The following ACTR6 variants were observed in gnomAD, a reference collection of about 807,000 sequenced individuals.
ACTR6 encodes actin related protein 6.
Under a neutral mutation model 52.5 loss-of-function variants are expected in ACTR6, and 50 were observed. That is an observed-to-expected ratio of 0.95 (90% CI 0.76 to 1.20). ACTR6 has a LOEUF of 1.20. Among genes scored for constraint, ACTR6 ranks in the 50% most tolerant of loss-of-function variants. The probability of loss-of-function intolerance (pLI) is 0.00; values close to 1 mark genes in which losing one functional copy is unlikely to be tolerated. For missense variants in ACTR6, 344 were observed against 472.4 expected (o/e 0.73, Z 2.52); for synonymous variants, 135 against 147.2 (o/e 0.92, Z 0.60).
At chr12:100,214,523 T>C (rs915660604) in intron 8 of ACTR6, among the ~76,000 whole-genome samples, 1 of 148,534 alleles carries the variant, frequency 6.7e-6, no homozygotes, top group Non-Finnish European at 1.5e-5. Flanking sequence ...GAGGATTGTT[T>C]GAGACCAGCC....
In ACTR6 at chr12:100,218,843, G is replaced by A. The variant is rs913833757; in HGVS notation, c.922+257G>A. Reference sequence around the variant, plus strand: ...CTTGAAGAAATGTATCTCTCCATGAGCATTAAATTGCCATATCCATTTTAG... The same window carrying A: ...CTTGAAGAAATGTATCTCTCCATGAACATTAAATTGCCATATCCATTTTAG... On this transcript the variant is annotated intron_variant, in intron 9 of 10. Coordinates refer to ENST00000188312, the MANE Select transcript of ACTR6 (RefSeq NM_022496.5). The surrounding 1 kb of genome is among the most constrained non-coding windows in gnomAD (Gnocchi z 4.2). Among the ~76,000 whole-genome samples, 1 of 151,978 alleles carries A rather than the reference G, an allele frequency of 6.6e-6. No homozygotes were observed. Among genetic ancestry groups the A allele is most frequent in the Admixed American group, 6.6e-5 (1 of 15,252 alleles).
At chr12:100,205,133 G>C (rs2096113414) in intron 2 of ACTR6, 76 bp downstream of exon 2, 1 of 957,654 alleles carries the variant, frequency 1.0e-6, no homozygotes. Flanking sequence ...TATATAAAAG[G>C]CTGTGTGTAA....
At chr12:100,204,355 C>G (rs2096112701) in intron 1 of ACTR6, 1 of 152,042 alleles carries the variant, frequency 6.6e-6, no homozygotes, top group South Asian at 2.1e-4. Context: ...TTTTCTCTTT[C>G]TGTTTTATTT....
chr12:100,219,867 C>T lies in ACTR6; in HGVS notation c.923-141C>T, dbSNP rs1439355701. The T allele has an allele frequency of 6.7e-6, 5 of 745,686 alleles. No homozygotes were observed. In the East Asian group the frequency reaches 1.1e-4, roughly 16 times the overall value. The allele number at this position is 745,686 out of a possible 1,614,324, so 46.2% of individuals were successfully genotyped here. A position where few individuals can be genotyped will look rare whatever the true frequency, so the allele number is the denominator to read the frequency against. On this transcript the variant is annotated intron_variant, in intron 9 of 10. Coordinates refer to ENST00000188312, the MANE Select transcript of ACTR6 (RefSeq NM_022496.5). ...ACCTCATTACAAATCTTAGAATGGA[C>T]CTGAAAATTTATTTGGTTTCCCACC...
intron 3 of ACTR6, among the ~76,000 whole-genome samples, chr12:100,206,758 T>C (rs1158747011): frequency 6.6e-6 from 1 of 150,874 alleles, no homozygotes. Context: ...AACCTCTGCC[T>C]CCTGGGTTCA....
intron 1 of ACTR6, 137 bp from the exon 2 acceptor site, chr12:100,204,803 T>G: frequency 1.7e-6 from 1 of 598,540 alleles, no homozygotes; most frequent in South Asian, 2.2e-5. Context: ...TTGGTATTAT[T>G]TTAAGACAGA....
In ACTR6 at chr12:100,212,310, A is replaced by C; in HGVS notation, c.627A>C (p.Val209=). ...THVINQVKED[V]CYVSQDFYRD... ...TGATTAATCAAGTGAAAGAAGATGT[A>C]TGCTATGTGTCTCAGGATTTTTATA... Residue 209 remains valine (V), a synonymous_variant, in exon 7 of 11, where the codon GTA becomes GTC. Transcript: ENST00000188312. 1 of 1,612,840 alleles carries C rather than the reference A, an allele frequency of 6.2e-7. No individual in the cohort carries two copies. The highest frequency in any genetic ancestry group is 8.5e-7 in the Non-Finnish European group (1 of 1,179,454).
intron 8 of ACTR6, among the ~76,000 whole-genome samples, chr12:100,215,401 A>G (rs1308958965): frequency 6.6e-6 from 1 of 152,186 alleles, no homozygotes; most frequent in Non-Finnish European, 1.5e-5. Flanking sequence ...ACCTTATGCA[A>G]TAAGCCAGTA....
chr12:100,223,867 T>C lies in ACTR6; in HGVS notation c.1143T>C (p.Asp381=), dbSNP rs368527025. ...DFEDMVVTRE[D]YEENGHSVCE... is the part of the protein sequence containing the mutation. ...AAGATATGGTGGTAACAAGAGAAGATTACGAAGAAAATGGACATAGCGTCT... is the reference window on the plus strand; with the variant it reads ...AAGATATGGTGGTAACAAGAGAAGACTACGAAGAAAATGGACATAGCGTCT... The change falls in exon 11 of 11, where the codon GAT becomes GAC. Residue 381 remains aspartate (D), a synonymous_variant. Transcript: ENST00000188312. 6.2e-7 allele frequency: 1 copy of C among 1,611,078 alleles called. No individual in the cohort carries two copies. The highest frequency in any genetic ancestry group is 2.2e-5 in the East Asian group (1 of 44,654).
intron 10 of ACTR6, among the ~76,000 whole-genome samples, chr12:100,223,537 A>G (rs2096129960): frequency 6.6e-6 from 1 of 152,188 alleles, no homozygotes; most frequent in Non-Finnish European, 1.5e-5. Context: ...GGACATAGGG[A>G]AAAAGGAACA....
chr12:100,220,926 G>A (rs1048191536), intron 10 of ACTR6, among the ~76,000 whole-genome samples: 12 of 151,790 alleles, frequency 7.9e-5, no homozygotes, highest in Non-Finnish European at 1.2e-4. Flanking sequence ...GGTGGAGGTT[G>A]GTGTGAGCTA....
intron 10 of ACTR6, chr12:100,221,812 AAAAG>A (rs1045666487): frequency 1.3e-5 from 2 of 152,026 alleles, no homozygotes; most frequent in African/African-American, 2.4e-5. Flanking sequence ...AAAGAAGGAA[AAAAG>A]AAAGAAAAGA....
At chr12:100,208,077 T>C in intron 4 of ACTR6, 1 of 274,980 alleles carries the variant, frequency 3.6e-6, no homozygotes, top group Non-Finnish European at 7.1e-6. Flanking sequence ...AGAAGGATCG[T>C]TTGAGCCTGG....
intron 10 of ACTR6, among the ~76,000 whole-genome samples, chr12:100,221,051 A>T (rs966852128): frequency 1.3e-5 from 2 of 151,830 alleles, no homozygotes; most frequent in South Asian, 4.2e-4. Flanking sequence ...AGAATTTTAC[A>T]GCTCTAAGGG....
At position 100,223,984 on chromosome 12, in the gene ACTR6, G is replaced by T; in HGVS notation, c.*69G>T. ...AAAGTTCCTTTTAAAAGAGGTTAAG[G>T]AACTGTGTTACCTTTTGTCCTAAGA... On this transcript the variant is annotated 3_prime_UTR_variant, in exon 11 of 11. Coordinates refer to ENST00000188312, the MANE Select transcript of ACTR6 (RefSeq NM_022496.5). The T allele has an allele frequency of 6.6e-7, 1 of 1,516,276 alleles. No individual in the cohort carries two copies. The highest frequency in any genetic ancestry group is 8.8e-7 in the Non-Finnish European group (1 of 1,132,326). 93.9% of individuals were successfully genotyped at this position (1,516,276 alleles called of 1,614,324 possible).
At chr12:100,221,708 T>C (rs1277569733) in intron 10 of ACTR6, 2 of 151,974 alleles carry the variant, frequency 1.3e-5, no homozygotes, top group South Asian at 2.1e-4. Context: ...GGTAGGGAGA[T>C]GGCTTGAGTC....
At chr12:100,207,901 C>CT (rs2096116269) in intron 4 of ACTR6, 115 bp downstream of exon 4, 2 of 1,155,562 alleles carry the variant, frequency 1.7e-6, no homozygotes, top group Non-Finnish European at 2.5e-6. Context: ...TGGCTAACAC[C>CT]TGTAACCCCA....
At chr12:100,213,105 T>C (rs1268610516) in intron 8 of ACTR6, among the ~76,000 whole-genome samples, 2 of 152,168 alleles carry the variant, frequency 1.3e-5, no homozygotes, top group Admixed American at 1.3e-4. Flanking sequence ...TTTTGGTTTT[T>C]TTTGAGACAA....
rs117088224 is a variant in ACTR6 at position 100,215,593 on chromosome 12, G to C, written c.751-2822G>C. ...CTCATATATAATGTGTATTTTAATAGCAGATGAGTGGACAAAGTCAGTTGG... is the reference window on the plus strand; with the variant it reads ...CTCATATATAATGTGTATTTTAATACCAGATGAGTGGACAAAGTCAGTTGG... On this transcript the variant is annotated intron_variant, in intron 8 of 10. Transcript: ENST00000188312. Among the ~76,000 whole-genome samples the C allele has an allele frequency of 2.3e-3, 352 of 152,268 alleles. 8 individuals carry two copies. The East Asian group carries it at 0.04, about 17-fold the overall frequency.
Sources: allele counts gnomAD v4.1 joint callset (sites outside exome capture counted in the v4.1 genomes callset), GRCh38; gene constraint gnomAD v4.1.1; non-coding constraint Gnocchi (gnomAD v3.1); transcripts MANE v1.5; gene names NCBI Gene and HGNC (gene_info 2026-07-23, HGNC 2026-07-21).